Variants in TARS3 observed in about 807,000 individuals in gnomAD.
TARS3 encodes the protein threonyl-tRNA synthetase 3, also known as threonine--tRNA ligase 2, cytoplasmic.
A neutral mutation model predicts 103.5 loss-of-function variants in TARS3; 94 were observed. The observed-to-expected ratio is 0.91, with a 90% CI of 0.77 to 1.08. TARS3 has a LOEUF of 1.08. TARS3 is among the 50% of genes least tolerant of loss of function. The pLI, the probability that TARS3 is intolerant of heterozygous loss-of-function variation, is 0.00. For synonymous variants in TARS3, 416 were observed against 355.4 expected, an observed-to-expected ratio of 1.17 and a Z score of -1.92; for missense variants, 952 against 995.2, an observed-to-expected ratio of 0.96 and a Z score of 0.58.
intron 10 of TARS3, among the ~76,000 whole-genome samples, chr15:101,696,210 CAAAAAAAAAAAAAA>C (rs57512244): frequency 7.3e-5 from 6 of 81,764 alleles, no homozygotes; most frequent in African/African-American, 2.2e-4. Context: ...GACTTTGTCT[CAAAAAAAAAAAAAA>C]AAAAAAAAAA....
At chr15:101,692,983 A>T (rs1898795515) in intron 10 of TARS3, among the ~76,000 whole-genome samples, 1 of 152,164 alleles carries the variant, frequency 6.6e-6, no homozygotes, top group Non-Finnish European at 1.5e-5. Flanking sequence ...CAACAAGAGA[A>T]GCCACTCCCC....
Position 101,721,260 on chromosome 15 carries a change from G to A in TARS3, c.432C>T (p.Asp144=), listed in dbSNP as rs935514030. ...RLKLFEILKK[D]HQLLLAIYGK... ...CATAAATGGCAAGTAAGAGCTGATG[G>A]TCTTTCTTCAGTATTTCAAAAAGCT... The change falls in exon 3 of 19, where the codon GAC becomes GAT. Residue 144 remains aspartate, a synonymous_variant. Coordinates refer to ENST00000335968, the MANE Select transcript of TARS3 (RefSeq NM_152334.3). The A allele has an allele frequency of 1.2e-6, 2 of 1,613,708 alleles. No homozygotes were observed. The highest frequency in any genetic ancestry group is 2.7e-5 in the African/African-American group (2 of 74,884).
At chr15:101,689,602 AG>A (rs2141412641) in intron 10 of TARS3, among the ~76,000 whole-genome samples, 1 of 152,314 alleles carries the variant, frequency 6.6e-6, no homozygotes, top group African/African-American at 2.4e-5. Flanking sequence ...GTGAAGACAG[AG>A]GATGGGAATG....
At chr15:101,695,510 T>C (rs899743752) in intron 10 of TARS3, among the ~76,000 whole-genome samples, 1 of 152,120 alleles carries the variant, frequency 6.6e-6, no homozygotes, top group Non-Finnish European at 1.5e-5. Flanking sequence ...GAATCTGGGG[T>C]TGTTTCTGGT....
At position 101,671,719 on chromosome 15, in the gene TARS3, T is replaced by A; in HGVS notation, c.1818A>T (p.Gly606=). The change falls in exon 14 of 19, where the codon GGA becomes GGT. Residue 606 remains glycine, a synonymous_variant. Transcript: ENST00000335968. ...CTCCTGGGTTCATTTTCCACGGTTC[T>A]CCAAAGTCCATCAAGCTGTTCTGCA... ...KQLQNSLMDF[G]EPWKMNPGDG... is the part of the protein sequence containing the mutation. 6.2e-7 allele frequency: 1 copy of A among 1,614,094 alleles called. No individual in the cohort carries two copies. The highest frequency in any genetic ancestry group is 8.5e-7 in the Non-Finnish European group (1 of 1,179,990).
intron 5 of TARS3, among the ~76,000 whole-genome samples, chr15:101,711,173 T>TTAA (rs1354162004): frequency 2.0e-5 from 3 of 152,216 alleles, no homozygotes; most frequent in African/African-American, 7.2e-5. Context: ...CTGGTCTTAA[T>TTAA]TAATACCATG....
chr15:101,698,885 T>C (rs950396803), intron 10 of TARS3, among the ~76,000 whole-genome samples: 1 of 152,208 alleles, frequency 6.6e-6, no homozygotes, highest in African/African-American at 2.4e-5. Flanking sequence ...CCTACAGTCC[T>C]TTGGGGCTGA....
chr15:101,699,317 A>G lies in TARS3; in HGVS notation c.1320+1769T>C, dbSNP rs1227171485. 4 of 443,482 alleles carry G rather than the reference A, an allele frequency of 9.0e-6. No individual in the cohort carries two copies. The East Asian group carries it at 2.8e-4, about 31-fold the overall frequency. The allele number at this position is 443,482 out of a possible 1,614,324, so 27.5% of individuals were successfully genotyped here. A position where few individuals can be genotyped will look rare whatever the true frequency, so the allele number is the denominator to read the frequency against. Reference sequence around the variant, plus strand: ...TTCCAAGCCTCAGGGACCCTTCCCAACCAGTGCCCTTACCTTAGAATAAGA... The same window carrying G: ...TTCCAAGCCTCAGGGACCCTTCCCAGCCAGTGCCCTTACCTTAGAATAAGA... On this transcript the variant is annotated intron_variant, in intron 10 of 18. Coordinates refer to ENST00000335968, the MANE Select transcript of TARS3 (RefSeq NM_152334.3).
intron 15 of TARS3, among the ~76,000 whole-genome samples, chr15:101,663,169 C>A (rs184441904): frequency 6.6e-6 from 1 of 151,986 alleles, no homozygotes; most frequent in Non-Finnish European, 1.5e-5. Context: ...GGTGGTCCCA[C>A]GAGATTATAA....
chr15:101,703,464 C>G (rs1397936313), intron 8 of TARS3, among the ~76,000 whole-genome samples: 1 of 152,032 alleles, frequency 6.6e-6, no homozygotes, highest in Non-Finnish European at 1.5e-5. Flanking sequence ...GTGGTGCAGG[C>G]CTGTAATCAC....
intron 5 of TARS3, among the ~76,000 whole-genome samples, chr15:101,709,468 A>T (rs889903802): frequency 6.6e-6 from 1 of 152,208 alleles, no homozygotes; most frequent in Non-Finnish European, 1.5e-5. Context: ...ACACCAGGAC[A>T]GTCCCACAGA....
intron 1 of TARS3, among the ~76,000 whole-genome samples, chr15:101,723,803 A>G (rs574235998): frequency 6.6e-6 from 1 of 152,364 alleles, no homozygotes; most frequent in Non-Finnish European, 1.5e-5. Context: ...TTTTTCAAAC[A>G]AATGAAAACA....
At chr15:101,702,604 T>C (rs148752249) in intron 8 of TARS3, among the ~76,000 whole-genome samples, 59 of 152,174 alleles carry the variant, frequency 3.9e-4, no homozygotes, top group Middle Eastern at 3.4e-3. Flanking sequence ...ACCCCATCTG[T>C]ACAGAAAATA....
intron 9 of TARS3, among the ~76,000 whole-genome samples, chr15:101,701,868 C>T (rs1003657057): frequency 5.9e-5 from 9 of 152,156 alleles, no homozygotes; most frequent in East Asian, 1.9e-4. Flanking sequence ...CTCCGCCTGC[C>T]GGGCCCAAGT....
intron 10 of TARS3, among the ~76,000 whole-genome samples, chr15:101,687,441 A>G (rs2141410249): frequency 6.6e-6 from 1 of 152,270 alleles, no homozygotes; most frequent in East Asian, 1.9e-4. Flanking sequence ...TGATGTCATT[A>G]AGAATGGCAG....
chr15:101,707,787 T>C (rs540961045), intron 6 of TARS3, among the ~76,000 whole-genome samples: 10 of 152,300 alleles, frequency 6.6e-5, no homozygotes, highest in Non-Finnish European at 8.8e-5. Context: ...TTTGACAACA[T>C]TGTCAATGTA....
intron 3 of TARS3, among the ~76,000 whole-genome samples, chr15:101,719,712 C>T (rs1262879948): frequency 6.6e-6 from 1 of 152,192 alleles, no homozygotes; most frequent in Non-Finnish European, 1.5e-5. Context: ...CAGGCAGGCC[C>T]ATGCAAGGAC....
rs181530467 is a variant in TARS3 at position 101,713,251 on chromosome 15, G to A, written c.691-1250C>T. Among the ~76,000 whole-genome samples the A allele has an allele frequency of 3.7e-3, 568 of 152,278 alleles. 3 individuals are homozygous for A. The highest frequency in any genetic ancestry group is 9.4e-3 in the African/African-American group (390 of 41,544). On this transcript the variant is annotated intron_variant, in intron 4 of 18. Coordinates refer to ENST00000335968, the MANE Select transcript of TARS3 (RefSeq NM_152334.3). ...GAGTGTCCTGCATTCATGGGGACTC[G>A]GGAAGGCCTGTGTGACTAACACGTA...
At chr15:101,694,273 C>G (rs527704615) in intron 10 of TARS3, among the ~76,000 whole-genome samples, 1 of 152,284 alleles carries the variant, frequency 6.6e-6, no homozygotes, top group South Asian at 2.1e-4. Context: ...GTGTGCACAC[C>G]CAGCCCATCC....
Sources: allele counts gnomAD v4.1 joint callset (sites outside exome capture counted in the v4.1 genomes callset), GRCh38; gene constraint gnomAD v4.1.1; transcripts MANE v1.5; gene names NCBI Gene and HGNC (gene_info 2026-07-23, HGNC 2026-07-21).